Variants in BMP5 observed in about 807,000 individuals in gnomAD.
The protein encoded by BMP5 is bone morphogenetic protein 5.
BMP5 carries 23 observed loss-of-function variants against 46.6 expected under a neutral mutation model. The ratio of observed to expected loss-of-function variants is 0.49; its 90% confidence interval spans 0.35 to 0.70. The LOEUF is 0.70. Among genes scored for constraint, BMP5 ranks in the 30% least tolerant of loss-of-function variants. The probability of loss-of-function intolerance (pLI) is 0.00; values close to 1 mark genes in which losing one functional copy is unlikely to be tolerated. For missense variants in BMP5, 545 were observed against 565.6 expected (o/e 0.96, Z 0.37); for synonymous variants, 204 against 191.9 (o/e 1.06, Z -0.52).
At chr6:55,758,929 G>T in intron 6 of BMP5, 76 bp downstream of exon 6, 2 of 1,003,408 alleles carry the variant, frequency 2.0e-6, no homozygotes, top group Non-Finnish European at 3.2e-6. Flanking sequence ...ATTGTAAATA[G>T]ATGCTTTCCT....
At chr6:55,806,122 T>C (rs1444492677) in intron 2 of BMP5, among the ~76,000 whole-genome samples, 2 of 152,224 alleles carry the variant, frequency 1.3e-5, no homozygotes, top group African/African-American at 2.4e-5. Flanking sequence ...CTTTTGGCAT[T>C]TTCATCATAA....
intron 3 of BMP5, among the ~76,000 whole-genome samples, chr6:55,793,552 C>A (rs1343589035): frequency 6.6e-6 from 1 of 152,120 alleles, no homozygotes; most frequent in East Asian, 1.9e-4. Context: ...CCCATGGTGT[C>A]TTTGATGTGT....
intron 1 of BMP5, among the ~76,000 whole-genome samples, chr6:55,850,380 A>AGAT (rs1457661932): frequency 2.1e-5 from 3 of 143,772 alleles, no homozygotes; most frequent in African/African-American, 8.9e-5. Flanking sequence ...ATAGATAGAT[A>AGAT]GATAGATAGA....
At chr6:55,761,001 C>T (rs990935975) in intron 4 of BMP5, among the ~76,000 whole-genome samples, 8 of 151,992 alleles carry the variant, frequency 5.3e-5, no homozygotes, top group African/African-American at 1.2e-4. Context: ...ATATCTTAAC[C>T]TCAGGATACC....
At chr6:55,808,783 G>A (rs775442013) in intron 2 of BMP5, among the ~76,000 whole-genome samples, 3 of 152,144 alleles carry the variant, frequency 2.0e-5, no homozygotes, top group Non-Finnish European at 4.4e-5. Context: ...CTCTCCATGG[G>A]TCACACCAGC....
chr6:55,828,408 A>G (rs1776580941), intron 1 of BMP5, among the ~76,000 whole-genome samples: 1 of 151,810 alleles, frequency 6.6e-6, no homozygotes, highest in Non-Finnish European at 1.5e-5. Context: ...AAAGACAGAC[A>G]TCAAAAGTCT....
At chr6:55,814,601 T>C (rs1776210957) in intron 2 of BMP5, among the ~76,000 whole-genome samples, 1 of 152,198 alleles carries the variant, frequency 6.6e-6, no homozygotes, top group South Asian at 2.1e-4. Context: ...CATAGAAACC[T>C]GAAATATTCT....
At position 55,838,902 on chromosome 6, in the gene BMP5, A is replaced by G. The variant is rs573583497; in HGVS notation, c.491-19055T>C. Among the ~76,000 whole-genome samples, 34 of 152,264 alleles carry G rather than the reference A, an allele frequency of 2.2e-4. No individual in the cohort carries two copies. The East Asian group carries it at 6.6e-3, about 29-fold the overall frequency. ...CAAATTCATATATTTGTTTTTTAAC[A>G]GAGCTCTTTCTTGAGACATAGTGAA... On this transcript the variant is annotated intron_variant, in intron 1 of 6. Coordinates refer to ENST00000370830, the MANE Select transcript of BMP5 (RefSeq NM_021073.4).
rs77553449 is a variant in BMP5, at chr6:55,756,951, C to A, written c.1216-1269G>T. Among the ~76,000 whole-genome samples, 1,431 of 151,856 alleles carry A rather than the reference C, an allele frequency of 9.4e-3. 19 individuals are homozygous for A. The highest frequency in any genetic ancestry group is 0.033 in the African/African-American group (1,350 of 41,442). ...TTTCCTCCGTCTTTTTGTTTCATGT[C>A]CTTCACAGAACAAACATAAAGCGTG... On this transcript the variant is annotated intron_variant, in intron 6 of 6. Transcript: ENST00000370830.
chr6:55,813,361 T>C (rs1363856089), intron 2 of BMP5, among the ~76,000 whole-genome samples: 1 of 152,014 alleles, frequency 6.6e-6, no homozygotes, highest in Non-Finnish European at 1.5e-5. Flanking sequence ...CAATGAATAT[T>C]TGATGGGTTC....
chr6:55,818,233 C>G (rs1388148806), intron 2 of BMP5, among the ~76,000 whole-genome samples: 1 of 151,300 alleles, frequency 6.6e-6, no homozygotes, highest in Non-Finnish European at 1.5e-5. Context: ...AGAGATAGAG[C>G]AGCATTAGTG....
chr6:55,782,376 T>C (rs1368768984), intron 3 of BMP5, among the ~76,000 whole-genome samples: 2 of 152,196 alleles, frequency 1.3e-5, no homozygotes, highest in Non-Finnish European at 2.9e-5. Flanking sequence ...GGAAGCAGAA[T>C]TTTTCTTCAC....
intron 1 of BMP5, among the ~76,000 whole-genome samples, chr6:55,829,972 G>A (rs1050815171): frequency 6.6e-6 from 1 of 151,820 alleles, no homozygotes. Flanking sequence ...CCCTTCAAAA[G>A]TATGGTTGTT....
chr6:55,842,211 A>G (rs769781633), intron 1 of BMP5, among the ~76,000 whole-genome samples: 6 of 152,162 alleles, frequency 3.9e-5, no homozygotes, highest in Non-Finnish European at 7.4e-5. Flanking sequence ...GTGATTTCTT[A>G]GAGCGGATCT....
chr6:55,820,795 C>T (rs1473883255), intron 1 of BMP5, among the ~76,000 whole-genome samples: 1 of 152,070 alleles, frequency 6.6e-6, no homozygotes. Flanking sequence ...TGGTCCAGTA[C>T]AAAGTCTCTC....
At chr6:55,829,348 T>G (rs183177454) in intron 1 of BMP5, among the ~76,000 whole-genome samples, 12 of 147,532 alleles carry the variant, frequency 8.1e-5, no homozygotes, top group South Asian at 4.2e-4. Context: ...GGTTTTCTTG[T>G]TTTTTTTCAG....
intron 1 of BMP5, among the ~76,000 whole-genome samples, chr6:55,820,747 T>TGTTG (rs1554183808): frequency 1.3e-5 from 2 of 149,874 alleles, no homozygotes; most frequent in African/African-American, 2.4e-5. Flanking sequence ...TTTGTTTGTT[T>TGTTG]GTTTGCTTTT....
chr6:55,778,329 A>C (rs1047862243), intron 3 of BMP5, among the ~76,000 whole-genome samples: 1 of 152,040 alleles, frequency 6.6e-6, no homozygotes, highest in Non-Finnish European at 1.5e-5. Flanking sequence ...AAGAGACAGC[A>C]GAGAGGAGAT....
chr6:55,855,486 C>A (rs1777371111), intron 1 of BMP5, among the ~76,000 whole-genome samples: 1 of 151,982 alleles, frequency 6.6e-6, no homozygotes, highest in Non-Finnish European at 1.5e-5. Context: ...TATGTTATTT[C>A]TCTTTTTATT....
Sources: allele counts gnomAD v4.1 joint callset (sites outside exome capture counted in the v4.1 genomes callset), GRCh38; gene constraint gnomAD v4.1.1; transcripts MANE v1.5; gene names NCBI Gene and HGNC (gene_info 2026-07-23, HGNC 2026-07-21).